TENM1: variants seen among roughly 807,000 people sequenced by gnomAD.
The protein encoded by TENM1 is teneurin transmembrane protein 1.
In TENM1, 35 loss-of-function variants were observed where a neutral mutation model predicts 174.8. The ratio of observed to expected loss-of-function variants is 0.20; its 90% CI spans 0.15 to 0.27. The LOEUF is 0.27. TENM1 is among the 10% of genes least tolerant of loss of function. The pLI, the probability that TENM1 is intolerant of heterozygous loss-of-function variation, is 1.00. For synonymous variants in TENM1, 781 were observed against 798.7 expected (o/e 0.98, Z 0.37); for missense variants, 1,633 against 2,130.1 (o/e 0.77, Z 4.59).
At position 124,737,279 on chromosome X, in the gene TENM1, C is replaced by G. The variant is rs1056263850; in HGVS notation, c.536-82G>C. ...AGGGAAACCAGCATGACAGACTTAC[C>G]AGGATTTCAGATAATAAAACCTGTG... On this transcript the variant is annotated intron_variant, in intron 3 of 31. Coordinates refer to ENST00000422452, the Ensembl canonical transcript of TENM1. 3.9e-6 allele frequency: 4 copies of G among 1,014,285 alleles called. No homozygotes were observed. In the Admixed American group the frequency reaches 1.1e-4, roughly 29 times the overall value. 83.6% of individuals were successfully genotyped at this position (1,014,285 alleles called of 1,213,427 possible). A position where few individuals can be genotyped will look rare whatever the true frequency, so the allele number is the denominator to read the frequency against.
At chrX:124,909,158 T>C (rs2147631984) in intron 1 of TENM1, among the ~76,000 whole-genome samples, 1 of 112,353 alleles carries the variant, frequency 8.9e-6, no homozygotes, top group African/African-American at 3.2e-5. Flanking sequence ...TGTGCCCAGC[T>C]TATTAGTCCT....
rs191669048 is a variant in TENM1, at chrX:124,523,786, C to T, written c.2772-161G>A. Among the ~76,000 whole-genome samples, 21 of 110,653 alleles carry T rather than the reference C, an allele frequency of 1.9e-4. No homozygotes were observed. The South Asian group carries it at 3.1e-3, about 17-fold the overall frequency. On this transcript the variant is annotated intron_variant, in intron 16 of 31. Transcript: ENST00000422452. ...ATTCTCTCTAGCAATGTATTCATTC[C>T]GTAGATGACTTCTTTTCACTATCTA... is the stretch of plus-strand genomic sequence containing the variant.
At chrX:124,586,167 A>G (rs1415497239) in intron 11 of TENM1, among the ~76,000 whole-genome samples, 4 of 110,656 alleles carry the variant, frequency 3.6e-5, no homozygotes, top group Middle Eastern at 4.6e-3. Context: ...AAAAGAGGGA[A>G]TCCTCCCTAA....
intron 20 of TENM1, among the ~76,000 whole-genome samples, chrX:124,494,089 G>A (rs1021431352): frequency 5.4e-5 from 6 of 111,476 alleles, no homozygotes; most frequent in Non-Finnish European, 1.1e-4. Flanking sequence ...GCAAGCATGA[G>A]AATCTGAAAA....
intron 11 of TENM1, among the ~76,000 whole-genome samples, chrX:124,640,645 T>G (rs1213028082): frequency 8.9e-6 from 1 of 111,754 alleles, no homozygotes; most frequent in East Asian, 2.8e-4. Context: ...TCTGTGCTCT[T>G]TAGCAATGTG....
chrX:124,460,052 T>C (rs186292505), intron 22 of TENM1, among the ~76,000 whole-genome samples: 93 of 111,799 alleles, frequency 8.3e-4, no homozygotes, highest in African/African-American at 3.0e-3. Context: ...CAAGTCAGAT[T>C]GGCTATTATT....
exon 27 of TENM1, chrX:124,405,192 C>T (rs753256941): frequency 6.4e-5 from 77 of 1,209,600 alleles, no homozygotes; most frequent in Admixed American, 8.7e-5. Context: ...GAGCTGAGGC[C>T]GATCTCCATC....
intron 3 of TENM1, among the ~76,000 whole-genome samples, chrX:124,831,705 G>A (rs769519998): frequency 9.9e-5 from 11 of 111,426 alleles, no homozygotes; most frequent in Non-Finnish European, 1.5e-4. Context: ...AACGTAACAC[G>A]TTACTCTCAA....
intron 11 of TENM1, among the ~76,000 whole-genome samples, chrX:124,589,531 T>C (rs1390111609): frequency 1.8e-5 from 2 of 111,151 alleles, no homozygotes; most frequent in African/African-American, 6.5e-5. Context: ...AATTTGGCTG[T>C]GAATCCATCT....
chrX:124,999,862 C>T, the TENM1 span, among the ~76,000 whole-genome samples: 1 of 111,581 alleles, frequency 9.0e-6, no homozygotes, highest in African/African-American at 3.3e-5. Flanking sequence ...ACAGGAATTG[C>T]TGGCAAGAAC....
At chrX:125,085,434 G>C in the TENM1 span, among the ~76,000 whole-genome samples, 1 of 110,467 alleles carries the variant, frequency 9.1e-6, no homozygotes, top group East Asian at 2.8e-4. Flanking sequence ...CAAGATTCTT[G>C]GGTTAAAGTT....
At chrX:124,966,523 G>A (rs952659646), upstream of TENM1, among the ~76,000 whole-genome samples, 3 of 108,651 alleles carry the variant, frequency 2.8e-5, no homozygotes, top group Non-Finnish European at 3.8e-5. Flanking sequence ...TTAGCCGGGC[G>A]TGGTAGCGGG....
intron 4 of TENM1, among the ~76,000 whole-genome samples, chrX:124,708,380 G>A (rs935128435): frequency 4.5e-5 from 5 of 111,238 alleles, no homozygotes; most frequent in African/African-American, 1.6e-4. Flanking sequence ...GGTCTTTCTG[G>A]AGGGCAATTT....
At chrX:125,082,988 C>T in the TENM1 span, among the ~76,000 whole-genome samples, 1 of 110,912 alleles carries the variant, frequency 9.0e-6, no homozygotes, top group Admixed American at 9.6e-5. Context: ...ATATTTTATT[C>T]ATTTATTACT....
chrX:124,773,423 CA>C (rs754228033), intron 3 of TENM1, among the ~76,000 whole-genome samples: 2,359 of 62,614 alleles, frequency 0.038, 26 homozygotes, highest in Middle Eastern at 0.1. Flanking sequence ...TTTTAGCCTA[CA>C]AAAAAAAAAA....
chrX:125,122,896 A>G, the TENM1 span, among the ~76,000 whole-genome samples: 25 of 111,844 alleles, frequency 2.2e-4, no homozygotes, highest in African/African-American at 2.9e-4. Context: ...GCAGAAAAAA[A>G]TATCATTTGG....
chrX:124,566,289 T>A (rs1239377389), intron 11 of TENM1, among the ~76,000 whole-genome samples: 1 of 112,460 alleles, frequency 8.9e-6, no homozygotes, highest in Non-Finnish European at 1.9e-5. Flanking sequence ...TTAACCCTGG[T>A]TGATTAAAGT....
chrX:124,781,127 A>ACT (rs2054899702), intron 3 of TENM1, among the ~76,000 whole-genome samples: 1 of 111,949 alleles, frequency 8.9e-6, no homozygotes, highest in Non-Finnish European at 1.9e-5. Flanking sequence ...TAAATCCCTC[A>ACT]AAAGTAAGGG....
At chrX:125,138,400 C>A in the TENM1 span, among the ~76,000 whole-genome samples, 2 of 111,199 alleles carry the variant, frequency 1.8e-5, no homozygotes, top group Non-Finnish European at 3.8e-5. Context: ...TAGAACATGG[C>A]TCACTTCAGC....
Sources: allele counts gnomAD v4.1 joint callset (sites outside exome capture counted in the v4.1 genomes callset), GRCh38; gene constraint gnomAD v4.1.1; transcripts MANE v1.5; gene names NCBI Gene and HGNC (gene_info 2026-07-23, HGNC 2026-07-21).